PCDH15: variants seen among roughly 807,000 people sequenced by gnomAD.
PCDH15 encodes protocadherin-15.
PCDH15 carries 129 observed loss-of-function variants against 178.5 expected under a neutral mutation model. The observed-to-expected ratio is 0.72, with a 90% CI of 0.63 to 0.84. PCDH15 has a LOEUF of 0.84. Among genes scored for constraint, PCDH15 ranks in the 40% least tolerant of loss-of-function variants. The probability of loss-of-function intolerance (pLI) is 0.00; values close to 1 mark genes in which losing one functional copy is unlikely to be tolerated. For synonymous variants in PCDH15, 800 were observed against 732.0 expected (o/e 1.09, Z -1.50); for missense variants, 2,230 against 2,099.9 (o/e 1.06, Z -1.21).
intron 2 of PCDH15, among the ~76,000 whole-genome samples, chr10:55,341,833 G>A (rs1427309172): frequency 1.8e-5 from 1 of 56,736 alleles, no homozygotes; most frequent in African/African-American, 6.0e-5. Flanking sequence ...TTTTTTTTTA[G>A]TAGAGATGGG....
chr10:55,106,662 C>T (rs113118049), intron 2 of PCDH15, among the ~76,000 whole-genome samples: 37 of 152,226 alleles, frequency 2.4e-4, no homozygotes, highest in African/African-American at 7.9e-4. Context: ...GTGATCCACC[C>T]ACCTCGGCCT....
chr10:55,269,035 G>A (rs564339327), intron 1 of PCDH15, among the ~76,000 whole-genome samples: 9 of 151,912 alleles, frequency 5.9e-5, no homozygotes, highest in South Asian at 2.1e-4. Context: ...AGCAAAAACC[G>A]TATGATCACC....
intron 2 of PCDH15, among the ~76,000 whole-genome samples, chr10:54,576,658 C>A (rs1203155643): frequency 6.6e-6 from 1 of 152,130 alleles, no homozygotes; most frequent in South Asian, 2.1e-4. Context: ...CTCAGTCAGT[C>A]TAAAAAGATG....
At chr10:55,388,581 G>C (rs2132010634) in intron 2 of PCDH15, among the ~76,000 whole-genome samples, 1 of 152,138 alleles carries the variant, frequency 6.6e-6, no homozygotes, top group East Asian at 1.9e-4. Context: ...AGAAGAAATG[G>C]TTTAAGTCCT....
intron 18 of PCDH15, among the ~76,000 whole-genome samples, chr10:54,061,645 T>C (rs1022679182): frequency 2.6e-5 from 4 of 152,172 alleles, no homozygotes; most frequent in African/African-American, 9.7e-5. Flanking sequence ...CTCTTTTTCC[T>C]TGCAGTAAAG....
chr10:54,441,840 G>A (rs774161853), intron 3 of PCDH15, among the ~76,000 whole-genome samples: 13 of 151,642 alleles, frequency 8.6e-5, no homozygotes, highest in Non-Finnish European at 1.6e-4. Flanking sequence ...GGGAAAGGCC[G>A]GGGGACCTAG....
chr10:54,353,478 A>G lies in PCDH15; in HGVS notation c.475-6994T>C, dbSNP rs1944474488. Among the ~76,000 whole-genome samples, 3 of 152,150 alleles carry G rather than the reference A, an allele frequency of 2.0e-5. No homozygotes were observed. The East Asian group carries it at 5.8e-4, about 29-fold the overall frequency. On this transcript the variant is annotated intron_variant, in intron 5 of 37. Coordinates refer to ENST00000644397, the MANE Select transcript of PCDH15 (RefSeq NM_001384140.1). Reference sequence around the variant, plus strand: ...ATGAACCCATGTAATGAACACCTACACAAAAAATATAATATTTTTATCACA... The same window carrying G: ...ATGAACCCATGTAATGAACACCTACGCAAAAAATATAATATTTTTATCACA...
At chr10:55,009,338 C>T (rs1260015479) in intron 2 of PCDH15, among the ~76,000 whole-genome samples, 6 of 151,652 alleles carry the variant, frequency 4.0e-5, no homozygotes, top group African/African-American at 7.3e-5. Context: ...ATGAAAAGTT[C>T]GAAGGTTATA....
chr10:54,780,732 G>GA (rs1950274688), intron 1 of PCDH15, among the ~76,000 whole-genome samples: 2 of 93,688 alleles, frequency 2.1e-5, no homozygotes, highest in Admixed American at 2.8e-4. Context: ...AAGCAATTGT[G>GA]TAAAAAAAAA....
intron 2 of PCDH15, among the ~76,000 whole-genome samples, chr10:54,595,990 C>T (rs894301564): frequency 6.6e-6 from 1 of 152,024 alleles, no homozygotes; most frequent in African/African-American, 2.4e-5. Context: ...TATTATGACT[C>T]ATTGGTGTCC....
chr10:54,474,901 C>T (rs987559957), intron 3 of PCDH15, among the ~76,000 whole-genome samples: 1 of 151,794 alleles, frequency 6.6e-6, no homozygotes, highest in Non-Finnish European at 1.5e-5. Flanking sequence ...TTACATAAAA[C>T]AATTTCTTAA....
At chr10:55,499,398 T>G (rs1840604284) in intron 2 of PCDH15, among the ~76,000 whole-genome samples, 1 of 134,182 alleles carries the variant, frequency 7.5e-6, no homozygotes, top group Non-Finnish European at 1.6e-5. Context: ...TTTTATAGAC[T>G]CTCCCTACAC....
At chr10:54,322,085 AAACAAAAAC>A (rs1230231419) in intron 7 of PCDH15, among the ~76,000 whole-genome samples, 2 of 152,012 alleles carry the variant, frequency 1.3e-5, no homozygotes, top group Non-Finnish European at 2.9e-5. Flanking sequence ...ATAAAAATCA[AAACAAAAAC>A]AACAAAAACA....
At chr10:54,517,156 C>T (rs1327555704) in intron 3 of PCDH15, among the ~76,000 whole-genome samples, 3 of 152,178 alleles carry the variant, frequency 2.0e-5, no homozygotes, top group Non-Finnish European at 2.9e-5. Context: ...CATGAACTAA[C>T]GAGCAAAATA....
intron 2 of PCDH15, among the ~76,000 whole-genome samples, chr10:55,143,150 T>A (rs1400558993): frequency 6.6e-6 from 1 of 152,102 alleles, no homozygotes; most frequent in African/African-American, 2.4e-5. Context: ...TCTGCCACGA[T>A]TGTAAGTTTC....
intron 26 of PCDH15, among the ~76,000 whole-genome samples, chr10:53,893,624 A>G (rs1416398593): frequency 6.6e-6 from 1 of 152,206 alleles, no homozygotes; most frequent in African/African-American, 2.4e-5. Flanking sequence ...CATAAAAAGG[A>G]TTGAAATAAT....
At chr10:53,860,021 G>A (rs1030782793) in intron 27 of PCDH15, among the ~76,000 whole-genome samples, 3 of 152,062 alleles carry the variant, frequency 2.0e-5, no homozygotes, top group African/African-American at 7.2e-5. Flanking sequence ...TACCATTACT[G>A]TCCTCTTCAA....
intron 18 of PCDH15, among the ~76,000 whole-genome samples, chr10:54,029,557 T>C (rs1444934214): frequency 1.3e-5 from 2 of 152,142 alleles, no homozygotes; most frequent in East Asian, 1.9e-4. Flanking sequence ...GAACTTTGAA[T>C]AATTGCCAGA....
In PCDH15 at chr10:55,463,989, A is replaced by G. The variant is rs57032904; in HGVS notation, c.-156+163636T>C. On this transcript the variant is annotated intron_variant, in intron 2 of 5. Coordinates refer to the PCDH15 transcript ENST00000613346. ...AGAAAGAAAGAGAAAGAAAGAAAGAAAGAGAAAGAAAGAAAGAAAGAAAGA... is the reference window on the plus strand; with the variant it reads ...AGAAAGAAAGAGAAAGAAAGAAAGAGAGAGAAAGAAAGAAAGAAAGAAAGA... Among the ~76,000 whole-genome samples, 12 of 17,300 alleles carry G rather than the reference A, an allele frequency of 6.9e-4. 1 individual carries two copies. The highest frequency in any genetic ancestry group is 1.0e-3 in the Non-Finnish European group (10 of 10,018). 11.3% of individuals were successfully genotyped at this position (17,300 alleles called of 152,430 possible). A position where few individuals can be genotyped will look rare whatever the true frequency, so the allele number is the denominator to read the frequency against.
Sources: gnomAD v4.1 joint callset for allele counts (sites outside exome capture counted in the v4.1 genomes callset) on GRCh38, gnomAD v4.1.1 for gene constraint, MANE v1.5 for transcripts, NCBI Gene and HGNC (gene_info 2026-07-23, HGNC 2026-07-21) for gene names.